Variants in CSMD1 observed in about 807,000 individuals in gnomAD.
CSMD1 encodes the protein CUB and Sushi multiple domains 1, also known as CUB and sushi domain-containing protein 1.
CSMD1 carries 213 observed loss-of-function variants against 417.5 expected under a neutral mutation model. That is an observed-to-expected ratio of 0.51 (90% CI 0.46 to 0.57). The LOEUF (loss-of-function observed/expected upper bound fraction) is 0.57, where lower values mean the gene tolerates loss of function less well. CSMD1 is among the 20% of genes least tolerant of loss of function. CSMD1 has a pLI of 0.00. For synonymous variants in CSMD1, 2,862 were observed against 1,736.8 expected (o/e 1.65, Z -16.11); for missense variants, 6,923 against 4,529.7 (o/e 1.53, Z -15.17).
chr8:3,328,333 G>T (rs1479186797), intron 23 of CSMD1, among the ~76,000 whole-genome samples: 1 of 152,118 alleles, frequency 6.6e-6, no homozygotes, highest in Non-Finnish European at 1.5e-5. Flanking sequence ...TGCTGCTTAA[G>T]GCACCTCTGC....
intron 23 of CSMD1, among the ~76,000 whole-genome samples, chr8:3,322,581 C>G (rs2117486367): frequency 6.6e-6 from 1 of 152,244 alleles, no homozygotes; most frequent in African/African-American, 2.4e-5. Context: ...CAGTTGGTTT[C>G]ATTGGCCAGA....
rs1021774378 is a variant in CSMD1 at position 3,000,432 on chromosome 8, G to C, written c.8030-301C>G. Among the ~76,000 whole-genome samples the C allele has an allele frequency of 2.6e-5, 4 of 151,450 alleles. No homozygotes were observed. The East Asian group carries it at 7.8e-4, about 30-fold the overall frequency. On this transcript the variant is annotated intron_variant, in intron 52 of 69. Coordinates refer to ENST00000635120, the MANE Select transcript of CSMD1 (RefSeq NM_033225.6). ...TTACCTGTATTCAGTTATTTACCTT[G>C]TTATACTATTTTCAAAACAAAGCAA...
chr8:3,338,462 G>A (rs1034472477), intron 23 of CSMD1, among the ~76,000 whole-genome samples: 3 of 152,224 alleles, frequency 2.0e-5, no homozygotes, highest in African/African-American at 4.8e-5. Flanking sequence ...GTGATGAGGG[G>A]ACCAATTCAG....
intron 49 of CSMD1, among the ~76,000 whole-genome samples, chr8:3,056,600 G>A (rs1812242343): frequency 6.6e-6 from 1 of 151,990 alleles, no homozygotes; most frequent in South Asian, 2.1e-4. Flanking sequence ...GAACTCCTGG[G>A]CTCAAGCCAT....
At chr8:3,204,703 T>C (rs1193003067) in intron 31 of CSMD1, among the ~76,000 whole-genome samples, 3 of 152,204 alleles carry the variant, frequency 2.0e-5, no homozygotes, top group Non-Finnish European at 2.9e-5. Flanking sequence ...ACGTCTAACA[T>C]TAGAATTTTT....
At chr8:3,720,289 C>A (rs112440966) in intron 6 of CSMD1, among the ~76,000 whole-genome samples, 10 of 152,140 alleles carry the variant, frequency 6.6e-5, no homozygotes, top group African/African-American at 2.4e-4. Context: ...ATCAATAGAG[C>A]TTACAGAAGA....
chr8:4,712,863 T>C (rs1222542915), intron 1 of CSMD1, among the ~76,000 whole-genome samples: 1 of 152,226 alleles, frequency 6.6e-6, no homozygotes, highest in Admixed American at 6.5e-5. Flanking sequence ...GGATATATTT[T>C]AGTAGACATC....
At chr8:4,813,891 C>G (rs766490292) in intron 1 of CSMD1, among the ~76,000 whole-genome samples, 3 of 152,148 alleles carry the variant, frequency 2.0e-5, no homozygotes, top group Non-Finnish European at 4.4e-5. Flanking sequence ...AGAATATTTA[C>G]AAGTAGGTCA....
At position 2,951,155 on chromosome 8, in the gene CSMD1, G is replaced by A. The variant is rs575495033; in HGVS notation, c.10160C>T (p.Ala3387Val). The stretch of plus-strand genomic sequence containing the variant: ...CACTGGCGAGGCTTCGCTGAAGGTG[G>A]CATTCACCTTACTGCTTGTTGCATT... ...WFNATSSKVN[A>V]TFSEASPVEL... The change falls in exon 66 of 70, where the codon GCC becomes GTC. Residue 3387 changes from alanine (A) to valine (V), a missense_variant. Ala to Val is a moderately conservative substitution (Grantham distance 64, BLOSUM62 0). Coordinates refer to ENST00000635120, the MANE Select transcript of CSMD1 (RefSeq NM_033225.6). The A allele has an allele frequency of 7.4e-6, 12 of 1,613,514 alleles. No homozygotes were observed. The Admixed American group carries it at 8.3e-5, about 11-fold the overall frequency.
At chr8:3,856,731 C>T (rs772977174) in intron 5 of CSMD1, among the ~76,000 whole-genome samples, 1 of 152,132 alleles carries the variant, frequency 6.6e-6, no homozygotes, top group Non-Finnish European at 1.5e-5. Context: ...AAAAATCTTT[C>T]AAAGCCTGTG....
intron 12 of CSMD1, among the ~76,000 whole-genome samples, chr8:3,415,281 G>C (rs2116947288): frequency 6.6e-6 from 1 of 152,122 alleles, no homozygotes; most frequent in Non-Finnish European, 1.5e-5. Flanking sequence ...TATACTCTTA[G>C]CAATTTTCAA....
At chr8:4,104,885 G>T (rs554610349) in intron 3 of CSMD1, among the ~76,000 whole-genome samples, 3 of 151,944 alleles carry the variant, frequency 2.0e-5, no homozygotes, top group Admixed American at 6.6e-5. Flanking sequence ...TTTTTCTTTT[G>T]TATCCATTAA....
At chr8:3,385,616 T>C (rs1810959923) in intron 18 of CSMD1, among the ~76,000 whole-genome samples, 1 of 152,204 alleles carries the variant, frequency 6.6e-6, no homozygotes, top group African/African-American at 2.4e-5. Flanking sequence ...GAGTTTACTA[T>C]TAATTATGGT....
intron 3 of CSMD1, among the ~76,000 whole-genome samples, chr8:4,390,638 C>G (rs1455779145): frequency 6.6e-6 from 1 of 151,992 alleles, no homozygotes; most frequent in East Asian, 1.9e-4. Context: ...CTCAGCCTCC[C>G]AAGGAGCTGG....
intron 5 of CSMD1, among the ~76,000 whole-genome samples, chr8:3,969,125 C>T (rs932669926): frequency 2.0e-5 from 3 of 152,122 alleles, no homozygotes; most frequent in Non-Finnish European, 4.4e-5. Flanking sequence ...GTGGCATATG[C>T]CTGTAATGTT....
intron 3 of CSMD1, among the ~76,000 whole-genome samples, chr8:4,062,169 A>C (rs930473732): frequency 1.3e-5 from 2 of 152,120 alleles, no homozygotes; most frequent in Non-Finnish European, 2.9e-5. Flanking sequence ...GAAACACGCA[A>C]GACTTGCCAA....
At chr8:4,224,156 A>T (rs1801207412) in intron 3 of CSMD1, among the ~76,000 whole-genome samples, 1 of 152,158 alleles carries the variant, frequency 6.6e-6, no homozygotes, top group Admixed American at 6.5e-5. Flanking sequence ...TTCGCTTACT[A>T]CACATAATCA....
At chr8:4,121,403 C>G (rs1270331757) in intron 3 of CSMD1, among the ~76,000 whole-genome samples, 2 of 152,130 alleles carry the variant, frequency 1.3e-5, no homozygotes, top group African/African-American at 2.4e-5. Flanking sequence ...GCATGAGTGT[C>G]AATGTATTTT....
chr8:4,227,061 C>G (rs1324706261), intron 3 of CSMD1, among the ~76,000 whole-genome samples: 1 of 152,120 alleles, frequency 6.6e-6, no homozygotes, highest in South Asian at 2.1e-4. Context: ...CTGAACGACT[C>G]TGAAGGTGAA....
Sources: gnomAD v4.1 joint callset for allele counts (sites outside exome capture counted in the v4.1 genomes callset) on GRCh38, gnomAD v4.1.1 for gene constraint, MANE v1.5 for transcripts, NCBI Gene and HGNC (gene_info 2026-07-23, HGNC 2026-07-21) for gene names.